CWC27: variants seen among roughly 807,000 people sequenced by gnomAD.
CWC27 encodes spliceosome-associated protein CWC27 homolog.
Under a neutral mutation model 63.6 loss-of-function variants are expected in CWC27, and 47 were observed. The ratio of observed to expected loss-of-function variants is 0.74; its 90% confidence interval spans 0.58 to 0.94. The LOEUF is 0.94. Among genes scored for constraint, CWC27 ranks in the 40% least tolerant of loss-of-function variants. The pLI is 0.00. For missense variants in CWC27, 495 were observed against 554.3 expected (o/e 0.89, Z 1.07); for synonymous variants, 175 against 179.8 (o/e 0.97, Z 0.22).
At chr5:64,987,333 A>G (rs1308990646) in intron 13 of CWC27, among the ~76,000 whole-genome samples, 1 of 152,200 alleles carries the variant, frequency 6.6e-6, no homozygotes. Context: ...CAAGACGAAT[A>G]TAGAATTCTT....
chr5:64,819,033 C>T (rs1580638143), intron 10 of CWC27, among the ~76,000 whole-genome samples: 1 of 152,020 alleles, frequency 6.6e-6, no homozygotes, highest in Non-Finnish European at 1.5e-5. Context: ...TTAGCTTTTT[C>T]GTATATGTTG....
At chr5:65,015,650 G>A (rs1324179830) in intron 13 of CWC27, among the ~76,000 whole-genome samples, 1 of 152,206 alleles carries the variant, frequency 6.6e-6, no homozygotes, top group East Asian at 1.9e-4. Context: ...GGTGCATTTT[G>A]TGGGGGATGC....
chr5:64,952,787 C>G (rs910494453), intron 11 of CWC27, among the ~76,000 whole-genome samples: 1 of 152,066 alleles, frequency 6.6e-6, no homozygotes, highest in African/African-American at 2.4e-5. Flanking sequence ...AGCAAGCTTA[C>G]AGTTTGTGCT....
At chr5:64,787,187 A>AT (rs1393425130) in intron 6 of CWC27, among the ~76,000 whole-genome samples, 1 of 151,772 alleles carries the variant, frequency 6.6e-6, no homozygotes. Flanking sequence ...TCGAGATGAG[A>AT]TTTGGGTGGG....
Position 64,961,001 on chromosome 5 carries a change from G to A in CWC27, c.1043-10702G>A, listed in dbSNP as rs567216435. Among the ~76,000 whole-genome samples the A allele has an allele frequency of 1.9e-4, 29 of 152,212 alleles. 1 individual carries two copies. The South Asian group carries it at 2.7e-3, about 14-fold the overall frequency. The stretch of plus-strand genomic sequence containing the variant: ...GACTCTGGTCCTGAGACAACAGAGG[G>A]TATAAGTATAAGCTCTTTTAATCTA... On this transcript the variant is annotated intron_variant, in intron 11 of 13. Transcript: ENST00000381070.
In CWC27 at chr5:65,018,597, A is replaced by G. The variant is rs1750092577; in HGVS notation, c.*276A>G. On this transcript the variant is annotated 3_prime_UTR_variant, in exon 14 of 14. Coordinates refer to ENST00000381070, the MANE Select transcript of CWC27 (RefSeq NM_005869.4). ...TTCCACATTACATGTTAACCATTGC[A>G]GACTGCAAGCCTGTTTGTGTCCTTT... 4.3e-6 allele frequency: 1 copy of G among 230,910 alleles called. No homozygotes were observed. Among genetic ancestry groups the G allele is most frequent in the Admixed American group, 5.8e-5 (1 of 17,302 alleles). 14.3% of individuals were successfully genotyped at this position (230,910 alleles called of 1,614,324 possible).
At chr5:64,922,943 G>A (rs1474778552) in intron 11 of CWC27, among the ~76,000 whole-genome samples, 1 of 152,186 alleles carries the variant, frequency 6.6e-6, no homozygotes, top group Non-Finnish European at 1.5e-5. Context: ...GGCTGGGACT[G>A]GGTCCATGGC....
chr5:64,955,338 T>G (rs1416942821), intron 11 of CWC27, among the ~76,000 whole-genome samples: 1 of 151,944 alleles, frequency 6.6e-6, no homozygotes, highest in Non-Finnish European at 1.5e-5. Flanking sequence ...AACCAAAGTA[T>G]TAAAGATATT....
At chr5:64,975,650 C>G (rs1388500531) in intron 12 of CWC27, among the ~76,000 whole-genome samples, 1 of 152,032 alleles carries the variant, frequency 6.6e-6, no homozygotes, top group Non-Finnish European at 1.5e-5. Context: ...AACAAGAATT[C>G]ACAGTCATGT....
chr5:64,860,219 C>A (rs1257122251), intron 10 of CWC27, among the ~76,000 whole-genome samples: 1 of 151,968 alleles, frequency 6.6e-6, no homozygotes, highest in African/African-American at 2.4e-5. Flanking sequence ...TATTTATTTG[C>A]TGATATTTAA....
chr5:64,851,542 G>A (rs1314637057), intron 10 of CWC27, among the ~76,000 whole-genome samples: 5 of 152,162 alleles, frequency 3.3e-5, no homozygotes, highest in African/African-American at 9.7e-5. Flanking sequence ...AAGAAAATGA[G>A]TATCTAATGT....
At chr5:65,006,811 A>G (rs1242419710) in intron 13 of CWC27, among the ~76,000 whole-genome samples, 1 of 152,076 alleles carries the variant, frequency 6.6e-6, no homozygotes, top group Non-Finnish European at 1.5e-5. Context: ...ATAAAAGAGT[A>G]ACTTCAAGCA....
chr5:64,821,198 C>A (rs1331783707), intron 10 of CWC27, among the ~76,000 whole-genome samples: 1 of 150,874 alleles, frequency 6.6e-6, no homozygotes, highest in African/African-American at 2.4e-5. Context: ...GATTCTCCTG[C>A]CTCAGCCTCC....
chr5:64,995,394 G>A (rs545182810), intron 13 of CWC27, among the ~76,000 whole-genome samples: 290 of 152,212 alleles, frequency 1.9e-3, no homozygotes, highest in African/African-American at 6.7e-3. Flanking sequence ...TAAATTTGCT[G>A]ATCTTTTCCT....
intron 1 of CWC27, among the ~76,000 whole-genome samples, chr5:64,774,116 G>A (rs575656210): frequency 1.5e-3 from 226 of 152,194 alleles, no homozygotes; most frequent in Middle Eastern, 3.4e-3. Context: ...GATGCAATGG[G>A]AAACTCAATT....
chr5:64,970,593 A>G (rs1020111812), intron 11 of CWC27, among the ~76,000 whole-genome samples: 3 of 152,188 alleles, frequency 2.0e-5, no homozygotes, highest in Non-Finnish European at 4.4e-5. Flanking sequence ...AGTCTTTACT[A>G]GGCATGTGTG....
chr5:64,787,449 G>A (rs1289913528), intron 6 of CWC27, among the ~76,000 whole-genome samples: 1 of 151,996 alleles, frequency 6.6e-6, no homozygotes, highest in African/African-American at 2.4e-5. Flanking sequence ...TGCTCACTCA[G>A]TATAAATAGA....
chr5:64,917,596 C>T (rs1482677922), intron 11 of CWC27, among the ~76,000 whole-genome samples: 1 of 151,454 alleles, frequency 6.6e-6, no homozygotes, highest in African/African-American at 2.5e-5. Context: ...GCAGATTACC[C>T]TTCCTAATGT....
chr5:64,935,664 A>T (rs963586922), intron 11 of CWC27, among the ~76,000 whole-genome samples: 1 of 152,124 alleles, frequency 6.6e-6, no homozygotes, highest in African/African-American at 2.4e-5. Flanking sequence ...CTTGATGGGG[A>T]TAGCATTGAA....
Sources: gnomAD v4.1 joint callset for allele counts (sites outside exome capture counted in the v4.1 genomes callset) on GRCh38, gnomAD v4.1.1 for gene constraint, MANE v1.5 for transcripts, NCBI Gene and HGNC (gene_info 2026-07-23, HGNC 2026-07-21) for gene names.